The following CDH12 variants were observed in gnomAD, a reference collection of about 807,000 sequenced individuals.
CDH12 encodes cadherin 12, also known as cadherin-12.
A neutral mutation model predicts 74.1 loss-of-function variants in CDH12; 41 were observed. The observed-to-expected ratio is 0.55, with a 90% CI of 0.43 to 0.72. CDH12 has a LOEUF of 0.72. Among genes scored for constraint, CDH12 ranks in the 30% least tolerant of loss-of-function variants. The pLI, the probability that CDH12 is intolerant of heterozygous loss-of-function variation, is 0.00. For missense variants in CDH12, 945 were observed against 977.2 expected (o/e 0.97, Z 0.44); for synonymous variants, 399 against 355.0 (o/e 1.12, Z -1.39).
intron 3 of CDH12, among the ~76,000 whole-genome samples, chr5:22,397,929 G>A (rs1289803854): frequency 6.6e-6 from 1 of 152,028 alleles, no homozygotes; most frequent in East Asian, 1.9e-4. Flanking sequence ...GCCAAGAACA[G>A]AGACCTCAGA....
At chr5:22,477,869 C>T (rs565042027) in intron 2 of CDH12, among the ~76,000 whole-genome samples, 48 of 152,308 alleles carry the variant, frequency 3.2e-4, no homozygotes, top group African/African-American at 9.6e-4. Flanking sequence ...TCTTATGTCA[C>T]ATCCACAAAC....
intron 3 of CDH12, among the ~76,000 whole-genome samples, chr5:22,390,609 G>T (rs1742205652): frequency 6.8e-6 from 1 of 147,288 alleles, no homozygotes; most frequent in African/African-American, 2.6e-5. Context: ...TAGATAGATA[G>T]ATAGATAGAT....
chr5:22,269,295 T>C (rs2150399079), intron 3 of CDH12, among the ~76,000 whole-genome samples: 1 of 152,278 alleles, frequency 6.6e-6, no homozygotes, highest in Middle Eastern at 3.4e-3. Flanking sequence ...TCTTCTATTC[T>C]TCAAATGTCT....
At chr5:21,986,367 T>C (rs1268218060) in intron 5 of CDH12, among the ~76,000 whole-genome samples, 1 of 152,210 alleles carries the variant, frequency 6.6e-6, no homozygotes, top group Non-Finnish European at 1.5e-5. Flanking sequence ...AAAGCCATCC[T>C]ATTTCCTCAG....
intron 10 of CDH12, among the ~76,000 whole-genome samples, chr5:21,801,244 C>A (rs889885785): frequency 2.0e-5 from 3 of 152,166 alleles, no homozygotes; most frequent in Non-Finnish European, 4.4e-5. Context: ...AGTGTAAAAT[C>A]TTACAAGATA....
intron 1 of CDH12, among the ~76,000 whole-genome samples, chr5:22,808,605 C>CTTTTTTT (rs34567315): frequency 1.9e-4 from 21 of 111,462 alleles, no homozygotes; most frequent in East Asian, 5.2e-4. Flanking sequence ...CTTTTCTTGT[C>CTTTTTTT]TTTTTTTTTT....
intron 3 of CDH12, among the ~76,000 whole-genome samples, chr5:22,270,910 G>C (rs571507538): frequency 6.6e-6 from 1 of 151,916 alleles, no homozygotes; most frequent in African/African-American, 2.4e-5. Context: ...TCCTGACCTC[G>C]TGATCTACCT....
At position 22,435,498 on chromosome 5, in the gene CDH12, ATG is replaced by A. The variant is rs56122496; in HGVS notation, c.-427-30149_-427-30148del. Among the ~76,000 whole-genome samples, 474 of 133,230 alleles carry A rather than the reference ATG, an allele frequency of 3.6e-3. 3 individuals are homozygous for A. Among genetic ancestry groups the A allele is most frequent in the South Asian group, 0.016 (71 of 4,388 alleles). The allele number at this position is 133,230 out of a possible 152,430, so 87.4% of individuals were successfully genotyped here. ...CACATATATATGTATGTGTATATATATGTGTGTGTGTGTGTGTGTGTGTGTGT... is the reference window on the plus strand; with the variant it reads ...CACATATATATGTATGTGTATATATATGTGTGTGTGTGTGTGTGTGTGTGT... On this transcript the variant is annotated intron_variant, in intron 2 of 14. Coordinates refer to ENST00000382254, the MANE Select transcript of CDH12 (RefSeq NM_004061.5).
intron 4 of CDH12, among the ~76,000 whole-genome samples, chr5:22,146,922 A>G (rs191063148): frequency 1.4e-4 from 21 of 152,284 alleles, no homozygotes; most frequent in African/African-American, 4.1e-4. Context: ...ACAAGACCAC[A>G]TGAAATAGGA....
At chr5:21,803,215 C>T (rs760357555) in intron 9 of CDH12, among the ~76,000 whole-genome samples, 1 of 151,944 alleles carries the variant, frequency 6.6e-6, no homozygotes, top group Non-Finnish European at 1.5e-5. Context: ...ATTTTGTTGT[C>T]TTATTTTATG....
At chr5:22,518,863 G>A (rs912552325) in intron 1 of CDH12, among the ~76,000 whole-genome samples, 1 of 152,128 alleles carries the variant, frequency 6.6e-6, no homozygotes, top group Non-Finnish European at 1.5e-5. Flanking sequence ...AGAAAGTACA[G>A]GAATTGGTAG....
intron 3 of CDH12, among the ~76,000 whole-genome samples, chr5:22,397,118 G>T (rs1580605316): frequency 6.6e-6 from 1 of 152,044 alleles, no homozygotes; most frequent in South Asian, 2.1e-4. Context: ...CTCCCTTGTA[G>T]GTAGATGAGG....
chr5:22,151,181 G>A (rs753529394), intron 4 of CDH12, among the ~76,000 whole-genome samples: 1 of 152,102 alleles, frequency 6.6e-6, no homozygotes, highest in Non-Finnish European at 1.5e-5. Context: ...CTTGTCCAAG[G>A]TCACACAGCC....
intron 6 of CDH12, among the ~76,000 whole-genome samples, chr5:21,934,240 T>C (rs929520138): frequency 1.3e-5 from 2 of 152,160 alleles, no homozygotes; most frequent in Non-Finnish European, 2.9e-5. Context: ...GATTGGATCA[T>C]AGGGGCAGAG....
intron 6 of CDH12, among the ~76,000 whole-genome samples, chr5:21,914,556 A>T (rs1185573285): frequency 6.6e-6 from 1 of 152,138 alleles, no homozygotes; most frequent in Non-Finnish European, 1.5e-5. Flanking sequence ...GAATTGGCTC[A>T]TGTGATTATG....
intron 2 of CDH12, among the ~76,000 whole-genome samples, chr5:22,430,753 A>G (rs1323966433): frequency 2.6e-5 from 4 of 152,200 alleles, no homozygotes; most frequent in South Asian, 4.1e-4. Flanking sequence ...TTACTCTTGT[A>G]TATAATGGAA....
At chr5:22,362,078 A>G (rs1012209396) in intron 3 of CDH12, among the ~76,000 whole-genome samples, 2 of 152,218 alleles carry the variant, frequency 1.3e-5, no homozygotes, top group African/African-American at 2.4e-5. Flanking sequence ...AAAGTGACAA[A>G]TGTGATCTAA....
chr5:21,875,753 T>C (rs1561263299), intron 6 of CDH12, among the ~76,000 whole-genome samples: 1 of 152,184 alleles, frequency 6.6e-6, no homozygotes, highest in African/African-American at 2.4e-5. Flanking sequence ...AAATCTTGCT[T>C]TCCCCTGAGC....
intron 6 of CDH12, among the ~76,000 whole-genome samples, chr5:21,873,874 G>GGTATTTGGTTTTCTGCTCCTGA (rs146258055): frequency 1.3e-5 from 2 of 151,506 alleles, no homozygotes; most frequent in African/African-American, 4.9e-5. Context: ...GAGAACATGC[G>GGTATTTGGTTTTCTGCTCCTGA]GTTACTTTTC....
Sources: allele counts gnomAD v4.1 joint callset (sites outside exome capture counted in the v4.1 genomes callset), GRCh38; gene constraint gnomAD v4.1.1; transcripts MANE v1.5; gene names NCBI Gene and HGNC (gene_info 2026-07-23, HGNC 2026-07-21).